EML1: variants seen among roughly 807,000 people sequenced by gnomAD.
EML1 encodes EMAP like 1.
In EML1, 27 loss-of-function variants were observed where a neutral mutation model predicts 110.4. The ratio of observed to expected loss-of-function variants is 0.24; its 90% CI spans 0.18 to 0.34. The LOEUF (loss-of-function observed/expected upper bound fraction) is 0.34. Among genes scored for constraint, EML1 ranks in the 10% least tolerant of loss-of-function variants. The pLI is 1.00. For missense variants in EML1, 741 were observed against 1,030.9 expected, an observed-to-expected ratio of 0.72 and a Z score of 3.85; for synonymous variants, 344 against 385.8, an observed-to-expected ratio of 0.89 and a Z score of 1.27.
intron 1 of EML1, among the ~76,000 whole-genome samples, chr14:99,783,893 T>C (rs748599237): frequency 1.3e-5 from 2 of 152,202 alleles, no homozygotes; most frequent in Non-Finnish European, 2.9e-5. Context: ...CTGTGGTTAG[T>C]CTGTGGCATG....
At chr14:99,809,736 G>A in intron 1 of EML1, 1 of 456,074 alleles carries the variant, frequency 2.2e-6, no homozygotes, top group East Asian at 6.9e-5. Flanking sequence ...TTTGATGGGT[G>A]GGGAGAACTC....
At chr14:99,893,281 G>T (rs2059618531) in intron 5 of EML1, among the ~76,000 whole-genome samples, 1 of 152,164 alleles carries the variant, frequency 6.6e-6, no homozygotes, top group South Asian at 2.1e-4. Flanking sequence ...TTGGGCCTTG[G>T]TGGGTTTGGC....
intron 3 of EML1, among the ~76,000 whole-genome samples, chr14:99,871,531 A>AG (rs1200174579): frequency 1.3e-5 from 2 of 152,052 alleles, no homozygotes; most frequent in Middle Eastern, 3.4e-3. Flanking sequence ...AAAAAAAAAA[A>AG]GAACATTTAT....
intron 1 of EML1, among the ~76,000 whole-genome samples, chr14:99,743,719 C>CCAGTGT (rs1246716404): frequency 2.0e-5 from 3 of 152,174 alleles, no homozygotes; most frequent in Admixed American, 6.5e-5. Flanking sequence ...GGGCCCCACG[C>CCAGTGT]CAGTGTCGGA....
chr14:99,860,482 G>A (rs544049319), intron 2 of EML1, among the ~76,000 whole-genome samples: 3 of 152,066 alleles, frequency 2.0e-5, no homozygotes, highest in Admixed American at 6.5e-5. Context: ...TCAAGATCCA[G>A]GCTGGCACCT....
upstream of EML1, chr14:99,792,665 C>T (rs759423110): frequency 3.9e-5 from 6 of 152,222 alleles, no homozygotes; most frequent in Non-Finnish European, 5.9e-5. Flanking sequence ...AGGGGCTGAT[C>T]ATAGAGAAAC....
chr14:99,822,054 A>T (rs1363370139), intron 1 of EML1, among the ~76,000 whole-genome samples: 1 of 152,148 alleles, frequency 6.6e-6, no homozygotes, highest in Non-Finnish European at 1.5e-5. Context: ...GAGGGATCCG[A>T]TCGGTTGCTC....
intron 1 of EML1, among the ~76,000 whole-genome samples, chr14:99,836,152 C>G (rs1032137732): frequency 3.3e-5 from 5 of 152,196 alleles, no homozygotes; most frequent in Non-Finnish European, 2.9e-5. Flanking sequence ...AATGAGTTTT[C>G]TAATCCGTGA....
chr14:99,802,163 C>T (rs562693177), intron 1 of EML1, among the ~76,000 whole-genome samples: 42 of 151,754 alleles, frequency 2.8e-4, no homozygotes, highest in African/African-American at 8.7e-4. Flanking sequence ...GCCAGGGAAG[C>T]GTCTAAGAAG....
chr14:99,745,280 G>C (rs1342893514), intron 1 of EML1, among the ~76,000 whole-genome samples: 1 of 152,182 alleles, frequency 6.6e-6, no homozygotes, highest in Non-Finnish European at 1.5e-5. Flanking sequence ...TGCCCAGTCT[G>C]GTCTCAAACT....
chr14:99,909,437 A>G lies in EML1; in HGVS notation c.1197A>G (p.Thr399=). Residue 399 remains threonine, a synonymous_variant, in exon 11 of 22, where the codon ACA becomes ACG. Transcript: ENST00000262233. ...TCGKSHLYFW[T]LEGSSLNKKQ... ...GAAAATCACATCTCTACTTTTGGACACTAGAAGGAAGCTCCCTTAATAAGA... is the reference window on the plus strand; with the variant it reads ...GAAAATCACATCTCTACTTTTGGACGCTAGAAGGAAGCTCCCTTAATAAGA... The G allele has an allele frequency of 6.2e-7, 1 of 1,614,204 alleles. No individual in the cohort carries two copies. Among genetic ancestry groups the G allele is most frequent in the Non-Finnish European group, 8.5e-7 (1 of 1,180,034 alleles).
upstream of EML1, among the ~76,000 whole-genome samples, chr14:99,769,427 C>G (rs79317029): frequency 0.011 from 1,740 of 152,300 alleles, 29 homozygotes; most frequent in African/African-American, 0.04. Context: ...CCTCAGTAGG[C>G]AGTGCTGGCC....
chr14:99,911,673 T>C, intron 13 of EML1, 97 bp downstream of exon 13: 1 of 1,398,636 alleles, frequency 7.1e-7, no homozygotes. Context: ...TTTTGAAAAT[T>C]GTTTAGGTGA....
chr14:99,857,960 C>T (rs902587234), intron 2 of EML1, among the ~76,000 whole-genome samples: 5 of 152,120 alleles, frequency 3.3e-5, no homozygotes, highest in Non-Finnish European at 5.9e-5. Flanking sequence ...CAAATGAAAA[C>T]GCATGGTACA....
chr14:99,798,183 G>A (rs2057810061), intron 1 of EML1, among the ~76,000 whole-genome samples: 1 of 152,152 alleles, frequency 6.6e-6, no homozygotes, highest in South Asian at 2.1e-4. Context: ...CATGTTTGAA[G>A]ACAATGATTA....
chr14:99,906,950 G>T (rs540051879), intron 9 of EML1: 1 of 152,706 alleles, frequency 6.5e-6, no homozygotes. Context: ...CCCCAGAGCC[G>T]AGGCATTGTG....
Position 99,850,927 on chromosome 14 carries a change from CA to C in EML1, c.144del (p.Glu49LysfsTer11). On this transcript the variant is annotated frameshift_variant, in exon 2 of 22. Transcript: ENST00000262233. LOFTEE classifies it high-confidence loss of function. The part of the protein sequence containing the change: ...IASLEQRVQM[Q>X]EDDIQLLKSA... ...TTCACTGGAGCAGAGAGTCCAGATG[CA>C]AGAAGACGACATCCAGCTGCTCAAA... 6.2e-7 allele frequency: 1 copy of C among 1,614,172 alleles called. No individual in the cohort carries two copies. The highest frequency in any genetic ancestry group is 8.5e-7 in the Non-Finnish European group (1 of 1,180,030).
upstream of EML1, among the ~76,000 whole-genome samples, chr14:99,772,113 T>C (rs1353544120): frequency 6.6e-6 from 1 of 152,240 alleles, no homozygotes; most frequent in Non-Finnish European, 1.5e-5. Flanking sequence ...GTTGTGATTG[T>C]TCTGTGTTGT....
chr14:99,781,495 C>G lies in EML1; in HGVS notation c.-27+7482C>G, dbSNP rs754069511. Among the ~76,000 whole-genome samples the G allele has an allele frequency of 6.6e-6, 1 of 152,268 alleles. No individual in the cohort carries two copies. Among genetic ancestry groups the G allele is most frequent in the East Asian group, 1.9e-4 (1 of 5,182 alleles). On this transcript the variant is annotated intron_variant, in intron 1 of 22. Coordinates refer to the EML1 transcript ENST00000327921. This position sits in a 1 kb window ranked among gnomAD's most constrained non-coding sequence, Gnocchi z 4.2. ...GTGGTCTGGCGGGCCAGTTCCCCAC[C>G]CCACAGCTGGGAGGATGGCTGCCAG...
Sources: gnomAD v4.1 joint callset for allele counts (sites outside exome capture counted in the v4.1 genomes callset) on GRCh38, gnomAD v4.1.1 for gene constraint, Gnocchi (gnomAD v3.1) non-coding constraint, MANE v1.5 for transcripts, NCBI Gene and HGNC (gene_info 2026-07-23, HGNC 2026-07-21) for gene names.